ABTB3: variants seen among roughly 807,000 people sequenced by gnomAD.
ABTB3 encodes ankyrin repeat- and BTB/POZ domain-containing protein 3.
the ABTB3 span, among the ~76,000 whole-genome samples, chr12:107,400,799 T>A: frequency 1.3e-5 from 2 of 152,168 alleles, no homozygotes; most frequent in Non-Finnish European, 2.9e-5. Context: ...TGCTGAGCTA[T>A]GCTCAAGCTA....
chr12:107,404,425 G>A, the ABTB3 span, among the ~76,000 whole-genome samples: 22 of 152,216 alleles, frequency 1.4e-4, no homozygotes, highest in African/African-American at 4.3e-4. Context: ...ACAAATACTC[G>A]ATCTCTGCTC....
the ABTB3 span, among the ~76,000 whole-genome samples, chr12:107,648,415 A>ACACACACAC: frequency 1.3e-5 from 1 of 76,610 alleles, no homozygotes. Flanking sequence ...CACACACACA[A>ACACACACAC]AGACAATAGG....
chr12:107,620,737 G>A, the ABTB3 span, among the ~76,000 whole-genome samples: 3 of 152,156 alleles, frequency 2.0e-5, no homozygotes, highest in Non-Finnish European at 4.4e-5. Context: ...TGACCCCTTG[G>A]GATTCACCCG....
chr12:107,581,095 GC>G, the ABTB3 span: 3 of 1,545,514 alleles, frequency 1.9e-6, no homozygotes, highest in Non-Finnish European at 2.6e-6. Flanking sequence ...CAAGCCGGCA[GC>G]CCCTGCCTCC....
At chr12:107,552,775 C>T in the ABTB3 span, among the ~76,000 whole-genome samples, 3 of 152,178 alleles carry the variant, frequency 2.0e-5, no homozygotes, top group Non-Finnish European at 4.4e-5. Context: ...ATGCTTCCTT[C>T]CCTCTGTGCC....
chr12:107,341,930 A>G, the ABTB3 span, among the ~76,000 whole-genome samples: 37 of 152,214 alleles, frequency 2.4e-4, no homozygotes, highest in African/African-American at 8.4e-4. Context: ...TTCTGCCATG[A>G]TTGGAAACTT....
chr12:107,327,774 G>A, the ABTB3 span, among the ~76,000 whole-genome samples: 1 of 152,212 alleles, frequency 6.6e-6, no homozygotes, highest in South Asian at 2.1e-4. Context: ...ATATTAGTTA[G>A]GGTAATGCTA....
the ABTB3 span, among the ~76,000 whole-genome samples, chr12:107,512,208 T>G: frequency 6.6e-6 from 1 of 152,236 alleles, no homozygotes; most frequent in Non-Finnish European, 1.5e-5. Context: ...GTTATTTCAC[T>G]GTTTGTGCTT....
At chr12:107,587,643 T>C in the ABTB3 span, among the ~76,000 whole-genome samples, 1 of 152,210 alleles carries the variant, frequency 6.6e-6, no homozygotes, top group Admixed American at 6.5e-5. Context: ...ATAAATTTGA[T>C]GTTATGTCTA....
At chr12:107,512,046 C>T in the ABTB3 span, among the ~76,000 whole-genome samples, 4 of 152,120 alleles carry the variant, frequency 2.6e-5, no homozygotes, top group Admixed American at 6.5e-5. Context: ...CAGAGGTTTT[C>T]GCTTAATAAC....
At chr12:107,436,602 G>T in the ABTB3 span, among the ~76,000 whole-genome samples, 1 of 152,314 alleles carries the variant, frequency 6.6e-6, no homozygotes, top group Admixed American at 6.5e-5. Context: ...ATCCAGAATG[G>T]TTATCCTGCT....
At chr12:107,598,945 C>G in the ABTB3 span, among the ~76,000 whole-genome samples, 1 of 152,190 alleles carries the variant, frequency 6.6e-6, no homozygotes, top group Non-Finnish European at 1.5e-5. Context: ...TCTGGATGTT[C>G]CTCCTTCCTG....
chr12:107,480,604 C>T, the ABTB3 span, among the ~76,000 whole-genome samples: 3 of 152,254 alleles, frequency 2.0e-5, no homozygotes, highest in African/African-American at 7.2e-5. Context: ...CAGCTGATCC[C>T]GTTATAAGAT....
chr12:107,576,860 A>G, the ABTB3 span, among the ~76,000 whole-genome samples: 1 of 151,982 alleles, frequency 6.6e-6, no homozygotes, highest in Admixed American at 6.5e-5. Flanking sequence ...TCCAACCATG[A>G]CCTCTTTGTG....
the ABTB3 span, chr12:107,658,718 T>C: frequency 6.6e-6 from 1 of 152,654 alleles, no homozygotes; most frequent in Non-Finnish European, 1.5e-5. Context: ...TTTGCAGAAA[T>C]GTGTTCATAG....
At chr12:107,464,762 C>T in the ABTB3 span, among the ~76,000 whole-genome samples, 61 of 152,272 alleles carry the variant, frequency 4.0e-4, no homozygotes, top group African/African-American at 1.3e-3. Context: ...GGGTGTGTTT[C>T]GAGCAGTGGT....
At chr12:107,468,741 A>G in the ABTB3 span, among the ~76,000 whole-genome samples, 1 of 152,186 alleles carries the variant, frequency 6.6e-6, no homozygotes, top group African/African-American at 2.4e-5. Flanking sequence ...AAAAATAAGT[A>G]AATAAAGACA....
chr12:107,403,753 C>T, the ABTB3 span, among the ~76,000 whole-genome samples: 1 of 152,180 alleles, frequency 6.6e-6, no homozygotes, highest in Non-Finnish European at 1.5e-5. Context: ...CAGAGGAAAA[C>T]TTCAGACAAT....
At chr12:107,657,449 A>G in the ABTB3 span, 4 of 1,449,658 alleles carry the variant, frequency 2.8e-6, no homozygotes, top group African/African-American at 4.2e-5. Context: ...CTGAAGGCAT[A>G]ATCTGAAAGG....
Sources: gnomAD v4.1 joint callset for allele counts (sites outside exome capture counted in the v4.1 genomes callset) on GRCh38, gnomAD v4.1.1 for gene constraint, MANE v1.5 for transcripts, NCBI Gene and HGNC (gene_info 2026-07-23, HGNC 2026-07-21) for gene names.